FRYL: variants seen among roughly 807,000 people sequenced by gnomAD.
FRYL encodes the protein FRY like transcription coactivator, also known as protein furry homolog-like.
A neutral mutation model predicts 351.2 loss-of-function variants in FRYL; 150 were observed. The observed-to-expected ratio is 0.43, with a 90% confidence interval of 0.37 to 0.49. The LOEUF is 0.49. Among genes scored for constraint, FRYL ranks in the 20% least tolerant of loss-of-function variants. The probability of loss-of-function intolerance (pLI) is 0.00; values close to 1 mark genes in which losing one functional copy is unlikely to be tolerated. For missense variants in FRYL, 3,036 were observed against 3,619.3 expected, an observed-to-expected ratio of 0.84 and a Z score of 4.13; for synonymous variants, 1,153 against 1,257.1, an observed-to-expected ratio of 0.92 and a Z score of 1.75.
At chr4:48,510,384 G>A (rs566730857) in intron 58 of FRYL, among the ~76,000 whole-genome samples, 9 of 152,276 alleles carry the variant, frequency 5.9e-5, no homozygotes, top group Non-Finnish European at 7.4e-5. Context: ...TTTCAAAGAC[G>A]TCATGCCAGA....
intron 8 of FRYL, 80 bp downstream of exon 8, chr4:48,609,664 C>A: frequency 1.3e-5 from 8 of 612,830 alleles, no homozygotes; most frequent in South Asian, 7.7e-5. Flanking sequence ...AACTCTCAAA[C>A]AAATGATCAG....
At chr4:48,684,167 T>C (rs1764936208) in intron 3 of FRYL, among the ~76,000 whole-genome samples, 1 of 152,166 alleles carries the variant, frequency 6.6e-6, no homozygotes, top group East Asian at 1.9e-4. Context: ...TCAACAAATA[T>C]TTGTTGAATA....
chr4:48,564,930 T>C lies in FRYL; in HGVS notation c.3441+3A>G, dbSNP rs769562537. On this transcript the variant is annotated splice_donor_region_variant and intron_variant, in intron 30 of 63. Coordinates refer to ENST00000358350, the MANE Select transcript of FRYL (RefSeq NM_015030.2). Reference sequence around the variant, plus strand: ...GAACCTTTAAGGAAATTGTCATAATTACCTTTTTGTCCAGAGAATCCAAAA... The same window carrying C: ...GAACCTTTAAGGAAATTGTCATAATCACCTTTTTGTCCAGAGAATCCAAAA... The C allele has an allele frequency of 1.3e-6, 2 of 1,496,006 alleles. No individual in the cohort carries two copies. Among genetic ancestry groups the C allele is most frequent in the Non-Finnish European group, 9.3e-7 (1 of 1,077,048 alleles). 92.7% of individuals were successfully genotyped at this position (1,496,006 alleles called of 1,614,324 possible).
chr4:48,662,546 A>G (rs1424020137), intron 3 of FRYL, among the ~76,000 whole-genome samples: 1 of 152,086 alleles, frequency 6.6e-6, no homozygotes, highest in Non-Finnish European at 1.5e-5. Flanking sequence ...AATCTCAAGC[A>G]AAAGTAAACA....
In FRYL at chr4:48,590,862, T is replaced by C. The variant is rs544575218; in HGVS notation, c.1336-32A>G. 6.5e-6 allele frequency: 10 copies of C among 1,535,620 alleles called. No individual in the cohort carries two copies. The South Asian group carries it at 1.1e-4, about 16-fold the overall frequency. On this transcript the variant is annotated intron_variant, in intron 16 of 63. Coordinates refer to ENST00000358350, the MANE Select transcript of FRYL (RefSeq NM_015030.2). Reference sequence around the variant, plus strand: ...AGGAAAAAAATGCAAAAGGAAGAGATGAGTATCATAAATTACCTTTTTTGC... The same window carrying C: ...AGGAAAAAAATGCAAAAGGAAGAGACGAGTATCATAAATTACCTTTTTTGC...
At chr4:48,770,820 T>C (rs1465400383) in intron 1 of FRYL, among the ~76,000 whole-genome samples, 2 of 152,182 alleles carry the variant, frequency 1.3e-5, no homozygotes, top group East Asian at 3.8e-4. Flanking sequence ...ACTCAATTTT[T>C]TATACTGCTG....
At chr4:48,704,297 C>G (rs1195841864) in intron 2 of FRYL, among the ~76,000 whole-genome samples, 4 of 152,078 alleles carry the variant, frequency 2.6e-5, no homozygotes, top group African/African-American at 9.7e-5. Flanking sequence ...GCAAATGCCT[C>G]TTAGCCATAT....
chr4:48,728,464 A>C (rs762377440), intron 1 of FRYL, among the ~76,000 whole-genome samples: 6 of 152,150 alleles, frequency 3.9e-5, no homozygotes, highest in Non-Finnish European at 7.3e-5. Flanking sequence ...AAATACTTAA[A>C]ATAATAATGA....
At chr4:48,503,160 A>T (rs2292231) in intron 60 of FRYL, among the ~76,000 whole-genome samples, 75,933 of 148,570 alleles carry the variant, frequency 0.51, 19,448 homozygotes, top group South Asian at 0.61. Flanking sequence ...ATCCAGGTTT[A>T]AAAAAAAAAA....
chr4:48,588,979 G>A (rs1742698742), intron 18 of FRYL, among the ~76,000 whole-genome samples: 1 of 152,164 alleles, frequency 6.6e-6, no homozygotes, highest in Admixed American at 6.6e-5. Context: ...CCCAGAGGAA[G>A]TAACATTGGC....
At chr4:48,578,934 T>A (rs1241674975) in intron 23 of FRYL, 39 bp downstream of exon 23, 1 of 1,515,188 alleles carries the variant, frequency 6.6e-7, no homozygotes, top group Admixed American at 2.2e-5. Context: ...AAGCTGACAG[T>A]CTATACATTT....
In FRYL at chr4:48,722,672, C is replaced by T. The variant is rs114963980; in HGVS notation, c.-383-11974G>A. Among the ~76,000 whole-genome samples the T allele has an allele frequency of 4.4e-3, 672 of 152,312 alleles. 8 individuals are homozygous for T. The highest frequency in any genetic ancestry group is 0.015 in the African/African-American group (606 of 41,576). ...TGTGTTCACAAAATAATGTTATCTT[C>T]ACTGATGTAACAAAAAGTCAGTGGT... On this transcript the variant is annotated intron_variant, in intron 1 of 63. Coordinates refer to ENST00000358350, the MANE Select transcript of FRYL (RefSeq NM_015030.2).
intron 4 of FRYL, 76 bp downstream of exon 4, chr4:48,634,215 T>C: frequency 1.9e-6 from 2 of 1,077,900 alleles, no homozygotes; most frequent in Non-Finnish European, 1.4e-6. Context: ...TATTATTTCC[T>C]TTGAAAAATC....
intron 1 of FRYL, among the ~76,000 whole-genome samples, chr4:48,759,172 T>C (rs1774149250): frequency 6.6e-6 from 1 of 152,080 alleles, no homozygotes; most frequent in Admixed American, 6.6e-5. Context: ...ATGGCACATG[T>C]ATACATATGT....
At chr4:48,553,652 TA>T (rs948888541) in intron 35 of FRYL, among the ~76,000 whole-genome samples, 126 of 107,256 alleles carry the variant, frequency 1.2e-3, no homozygotes, top group African/African-American at 2.8e-3. Flanking sequence ...TTCTTTACTT[TA>T]AAAAAAAAAA....
At position 48,547,698 on chromosome 4, in the gene FRYL, C is replaced by G; in HGVS notation, c.4960G>C (p.Gly1654Arg). 1.2e-6 allele frequency: 2 copies of G among 1,602,930 alleles called. No homozygotes were observed. Among genetic ancestry groups the G allele is most frequent in the Non-Finnish European group, 1.7e-6 (2 of 1,172,464 alleles). ...RLLLHLLIVM[G>R]PNSNIRTVAS... ...ACAGTTCGGATGTTACTATTGGGTCCCATTACTATTAATAAGTGCAGAAGC... is the reference window on the plus strand; with the variant it reads ...ACAGTTCGGATGTTACTATTGGGTCGCATTACTATTAATAAGTGCAGAAGC... Residue 1654 changes from glycine (G) to arginine (R), a missense_variant, in exon 41 of 64, where the codon GGA becomes CGA. By Grantham distance (125) the Gly-to-Arg change is moderately radical (BLOSUM62 -2). Coordinates refer to ENST00000358350, the MANE Select transcript of FRYL (RefSeq NM_015030.2).
At position 48,643,523 on chromosome 4, in the gene FRYL, T is replaced by G. The variant is rs568276494; in HGVS notation, c.-80-9033A>C. ...AAACAAATAAAATATTTAACAAACA[T>G]CAGCAGCAAATAATATAGGCTGCAA... On this transcript the variant is annotated intron_variant, in intron 3 of 63. Coordinates refer to ENST00000358350, the MANE Select transcript of FRYL (RefSeq NM_015030.2). Among the ~76,000 whole-genome samples the G allele has an allele frequency of 1.6e-4, 25 of 152,190 alleles. No individual in the cohort carries two copies. In the South Asian group the frequency reaches 4.8e-3, roughly 29 times the overall value.
At chr4:48,595,131 C>T (rs1744343604) in intron 15 of FRYL, among the ~76,000 whole-genome samples, 1 of 152,210 alleles carries the variant, frequency 6.6e-6, no homozygotes, top group African/African-American at 2.4e-5. Context: ...ACTTCCTTGT[C>T]TGGTGGCTGT....
intron 25 of FRYL, 73 bp from the exon 26 acceptor site, chr4:48,573,316 C>T (rs1393898593): frequency 6.1e-6 from 6 of 987,828 alleles, no homozygotes; most frequent in Admixed American, 3.7e-5. Context: ...TATGTAAAAA[C>T]ATGATGTAAA....
Sources: allele counts gnomAD v4.1 joint callset (sites outside exome capture counted in the v4.1 genomes callset), GRCh38; gene constraint gnomAD v4.1.1; transcripts MANE v1.5; gene names NCBI Gene and HGNC (gene_info 2026-07-23, HGNC 2026-07-21).